CHL1: variants seen among roughly 807,000 people sequenced by gnomAD.
CHL1 encodes the protein cell adhesion molecule L1 like.
A neutral mutation model predicts 141.9 loss-of-function variants in CHL1; 96 were observed. The ratio of observed to expected loss-of-function variants is 0.68; its 90% CI spans 0.57 to 0.80. The LOEUF (loss-of-function observed/expected upper bound fraction) is 0.80. Among genes scored for constraint, CHL1 ranks in the 30% least tolerant of loss-of-function variants. CHL1 has a pLI of 0.00. For missense variants in CHL1, 1,820 were observed against 1,457.2 expected (o/e 1.25, Z -4.05); for synonymous variants, 613 against 502.2 (o/e 1.22, Z -2.95).
chr3:324,990 A>G (rs1266334455), intron 3 of CHL1, among the ~76,000 whole-genome samples: 1 of 152,020 alleles, frequency 6.6e-6, no homozygotes, highest in Non-Finnish European at 1.5e-5. Context: ...TGAAGAATCT[A>G]TTAATGCCAT....
intron 8 of CHL1, 25 bp from the exon 9 acceptor site, chr3:344,564 C>G (rs3736632): frequency 6.3e-7 from 1 of 1,577,344 alleles, no homozygotes; most frequent in East Asian, 2.2e-5. Flanking sequence ...TGAAAAAATT[C>G]TGACTTTTCT....
chr3:403,563 C>CACAA (rs759778148), intron 27 of CHL1, among the ~76,000 whole-genome samples: 1 of 152,048 alleles, frequency 6.6e-6, no homozygotes, highest in Non-Finnish European at 1.5e-5. Context: ...AAAACAAAAA[C>CACAA]ACAAACAAAC....
chr3:212,138 A>C (rs376591943), intron 1 of CHL1, among the ~76,000 whole-genome samples: 15 of 152,146 alleles, frequency 9.9e-5, no homozygotes, highest in African/African-American at 3.6e-4. Context: ...AGAGTGGTAG[A>C]GGCTGGTGGT....
chr3:304,049 C>A (rs1168640007), intron 2 of CHL1, among the ~76,000 whole-genome samples: 4 of 152,136 alleles, frequency 2.6e-5, no homozygotes, highest in Admixed American at 2.6e-4. Context: ...ATATGTTGAA[C>A]CAGCCTTGCA....
chr3:342,227 A>G, intron 7 of CHL1, 145 bp downstream of exon 7: 1 of 598,786 alleles, frequency 1.7e-6, no homozygotes, highest in Non-Finnish European at 2.8e-6. Context: ...CAGATGAAAT[A>G]GACATCTGCA....
At chr3:354,899 C>T in intron 11 of CHL1, 128 bp downstream of exon 11, 1 of 1,167,078 alleles carries the variant, frequency 8.6e-7, no homozygotes, top group Non-Finnish European at 1.2e-6. Context: ...ACCAGCAAAT[C>T]AGAGATTGTT....
At chr3:205,893 A>G (rs1699391162) in intron 1 of CHL1, among the ~76,000 whole-genome samples, 1 of 152,222 alleles carries the variant, frequency 6.6e-6, no homozygotes, top group South Asian at 2.1e-4. Flanking sequence ...ATGCAGACAC[A>G]GAAGGGTCCT....
chr3:215,240 A>C (rs1700220417), intron 1 of CHL1, among the ~76,000 whole-genome samples: 1 of 152,142 alleles, frequency 6.6e-6, no homozygotes, highest in African/African-American at 2.4e-5. Context: ...CCATAATAAG[A>C]ATGAAATCCT....
chr3:322,276 C>A (rs1700622005), intron 3 of CHL1, among the ~76,000 whole-genome samples: 1 of 150,626 alleles, frequency 6.6e-6, no homozygotes, highest in Non-Finnish European at 1.5e-5. Flanking sequence ...ACTCACTTAT[C>A]AGATTTATCG....
At chr3:305,917 A>G (rs1699188060) in intron 2 of CHL1, among the ~76,000 whole-genome samples, 1 of 152,162 alleles carries the variant, frequency 6.6e-6, no homozygotes, top group African/African-American at 2.4e-5. Context: ...AGTAGTTCTT[A>G]GAAATATTAT....
intron 1 of CHL1, chr3:213,816 C>T (rs1485581419): frequency 6.6e-6 from 1 of 151,936 alleles, no homozygotes; most frequent in African/African-American, 2.4e-5. Context: ...GTGTTCAAGC[C>T]CAATTTAATG....
At chr3:325,271 A>G (rs189116076) in intron 3 of CHL1, among the ~76,000 whole-genome samples, 5 of 152,110 alleles carry the variant, frequency 3.3e-5, no homozygotes, top group Admixed American at 1.3e-4. Flanking sequence ...CACTGGTGGC[A>G]AAAATATAGA....
chr3:201,372 G>A (rs1559260770), intron 1 of CHL1, among the ~76,000 whole-genome samples: 1 of 152,128 alleles, frequency 6.6e-6, no homozygotes, highest in Non-Finnish European at 1.5e-5. Context: ...AATACAAAGG[G>A]ACATATTCCG....
At chr3:237,812 A>G (rs890481254) in intron 1 of CHL1, among the ~76,000 whole-genome samples, 6 of 131,726 alleles carry the variant, frequency 4.6e-5, no homozygotes, top group Admixed American at 3.7e-4. Flanking sequence ...AAAAAATCAC[A>G]TATGATGTTT....
intron 5 of CHL1, among the ~76,000 whole-genome samples, chr3:335,035 A>T (rs977338334): frequency 6.6e-6 from 1 of 152,258 alleles, no homozygotes; most frequent in African/African-American, 2.4e-5. Flanking sequence ...TAATAATTTA[A>T]TGAAAACTAA....
At chr3:323,619 G>A (rs557113636) in intron 3 of CHL1, among the ~76,000 whole-genome samples, 3 of 152,194 alleles carry the variant, frequency 2.0e-5, no homozygotes, top group East Asian at 3.9e-4. Flanking sequence ...TTTTAACTAC[G>A]TTATCTGTGT....
intron 3 of CHL1, among the ~76,000 whole-genome samples, chr3:320,105 A>G (rs58893867): frequency 0.047 from 7,214 of 152,104 alleles, 558 homozygotes; most frequent in African/African-American, 0.16. Context: ...GAACATAACA[A>G]GAATAGTAAC....
At chr3:200,750 T>C (rs1330145805) in intron 1 of CHL1, among the ~76,000 whole-genome samples, 2 of 152,214 alleles carry the variant, frequency 1.3e-5, no homozygotes, top group African/African-American at 4.8e-5. Flanking sequence ...AAGTGAAATC[T>C]CTTATATTTT....
intron 1 of CHL1, among the ~76,000 whole-genome samples, chr3:223,785 TG>T (rs1701078158): frequency 6.6e-6 from 1 of 152,100 alleles, no homozygotes; most frequent in Admixed American, 6.5e-5. Context: ...CAGGATAGTT[TG>T]GTAGGCAGGG....
Sources: allele counts gnomAD v4.1 joint callset (sites outside exome capture counted in the v4.1 genomes callset), GRCh38; gene constraint gnomAD v4.1.1; transcripts MANE v1.5; gene names NCBI Gene and HGNC (gene_info 2026-07-23, HGNC 2026-07-21).